PCDHA2: variants seen among roughly 807,000 people sequenced by gnomAD.
The protein encoded by PCDHA2 is protocadherin alpha-2.
A neutral mutation model predicts 66.0 loss-of-function variants in PCDHA2; 58 were observed. The observed-to-expected ratio is 0.88, with a 90% CI of 0.71 to 1.09. PCDHA2 has a LOEUF of 1.09. Ranked by LOEUF, PCDHA2 falls within the 50% of genes least tolerant of loss-of-function variation. The probability of loss-of-function intolerance (pLI) is 0.00; values close to 1 mark genes in which losing one functional copy is unlikely to be tolerated. For synonymous variants in PCDHA2, 634 were observed against 554.0 expected (o/e 1.14, Z -2.03); for missense variants, 1,267 against 1,242.3 (o/e 1.02, Z -0.30).
At chr5:140,935,673 A>T (rs1462991962) in intron 1 of PCDHA2, among the ~76,000 whole-genome samples, 1 of 152,180 alleles carries the variant, frequency 6.6e-6, no homozygotes, top group Non-Finnish European at 1.5e-5. Flanking sequence ...AATTATGTGA[A>T]ATATTTACAT....
chr5:140,799,640 AATTT>A (rs1222859750), intron 1 of PCDHA2, among the ~76,000 whole-genome samples: 2 of 152,206 alleles, frequency 1.3e-5, no homozygotes, highest in Admixed American at 6.5e-5. Context: ...TCAAAATATT[AATTT>A]ATTTATTCAT....
intron 1 of PCDHA2, among the ~76,000 whole-genome samples, chr5:140,970,978 A>G (rs2096449048): frequency 1.3e-5 from 2 of 152,188 alleles, no homozygotes; most frequent in African/African-American, 4.8e-5. Flanking sequence ...ATTAAGAAAA[A>G]TGGGGGAATA....
At chr5:140,925,955 G>T (rs1350124934) in intron 1 of PCDHA2, among the ~76,000 whole-genome samples, 1 of 152,076 alleles carries the variant, frequency 6.6e-6, no homozygotes. Context: ...AGGAGAAACT[G>T]CTATCACGCA....
intron 1 of PCDHA2, chr5:140,829,699 C>T (rs61730774): frequency 1.2e-6 from 2 of 1,613,252 alleles, no homozygotes; most frequent in Non-Finnish European, 1.7e-6. Flanking sequence ...TTCAGGTGAG[C>T]GCGCGCGACG....
intron 1 of PCDHA2, among the ~76,000 whole-genome samples, chr5:140,946,611 A>AATATATATATATATATATATAT (rs1554217734): frequency 0.012 from 1,017 of 86,324 alleles, 26 homozygotes; most frequent in Middle Eastern, 0.016. Flanking sequence ...GAAAATGTGA[A>AATATATATATATATATATATAT]ATATATATAT....
chr5:140,813,435 TA>T (rs1765294823), intron 1 of PCDHA2: 1 of 152,198 alleles, frequency 6.6e-6, no homozygotes, highest in South Asian at 2.1e-4. Flanking sequence ...CTGAATACTA[TA>T]GGGAATTGTA....
chr5:140,883,851 T>C, intron 1 of PCDHA2: 1 of 1,612,946 alleles, frequency 6.2e-7, no homozygotes, highest in African/African-American at 1.3e-5. Context: ...CACGAGGAGC[T>C]GGAGCTGTTG....
In PCDHA2 at chr5:140,795,040, G is replaced by C. The variant is rs369107883; in HGVS notation, c.76G>C (p.Val26Leu). Residue 26 changes from valine (V) to leucine (L), a missense_variant, in exon 1 of 4, where the codon GTG (valine) becomes CTG (leucine). Transcript: ENST00000526136. ...LSLLLLAAWE[V>L]GSGQLRYSVP... Reference sequence around the variant, plus strand: ...GCTTCTGCTCCTCGCAGCCTGGGAGGTGGGGAGCGGCCAGCTCCGCTACTC... The same window carrying C: ...GCTTCTGCTCCTCGCAGCCTGGGAGCTGGGGAGCGGCCAGCTCCGCTACTC... The C allele has an allele frequency of 1.4e-4, 221 of 1,613,876 alleles. No individual in the cohort carries two copies. The highest frequency in any genetic ancestry group is 5.7e-4 in the Admixed American group (34 of 60,030).
At chr5:140,843,273 T>A in intron 1 of PCDHA2, 1 of 1,595,994 alleles carries the variant, frequency 6.3e-7, no homozygotes, top group Non-Finnish European at 8.6e-7. Flanking sequence ...CTGGTCCTGG[T>A]GAAGGATCAT....
At position 140,795,575 on chromosome 5, in the gene PCDHA2, A is replaced by T. The variant is rs1338741055; in HGVS notation, c.611A>T (p.Glu204Val). Reference sequence around the variant, plus strand: ...CTGGGGAAATCGCTGGACAGAGAGGAAACTGCTGAGGTTAATTTGTTACTG... The same window carrying T: ...CTGGGGAAATCGCTGGACAGAGAGGTAACTGCTGAGGTTAATTTGTTACTG... Reference protein sequence around the residue: ...LVLGKSLDREETAEVNLLLVA... With the variant: ...LVLGKSLDREVTAEVNLLLVA... Residue 204 changes from glutamate (E) to valine (V), a missense_variant, in exon 1 of 4, where the codon GAA becomes GTA. Coordinates refer to ENST00000526136, the MANE Select transcript of PCDHA2 (RefSeq NM_018905.3). 3 of 1,614,162 alleles carry T rather than the reference A, an allele frequency of 1.9e-6. No individual in the cohort carries two copies. In the African/African-American group the frequency reaches 4.0e-5, roughly 22 times the overall value.
intron 1 of PCDHA2, among the ~76,000 whole-genome samples, chr5:140,897,765 C>T (rs1305140331): frequency 6.6e-6 from 1 of 152,216 alleles, no homozygotes; most frequent in Admixed American, 6.5e-5. Flanking sequence ...AATCGCCACA[C>T]TGACTTCCAC....
chr5:140,823,131 G>A (rs142929389), intron 1 of PCDHA2: 5 of 1,614,008 alleles, frequency 3.1e-6, no homozygotes, highest in Middle Eastern at 1.7e-4. Flanking sequence ...ACAACGCTCC[G>A]GCGTTCGCGC....
rs2150107729 is a variant in PCDHA2, at chr5:140,820,707, A to G, written c.2388+23355A>G. ...ATAAAATGATATTCTTTTCAACATG[A>G]TTATATTTACTGGAACCTAAACATT... On this transcript the variant is annotated intron_variant, in intron 1 of 3. Coordinates refer to ENST00000526136, the MANE Select transcript of PCDHA2 (RefSeq NM_018905.3). Among the ~76,000 whole-genome samples the G allele has an allele frequency of 7.0e-4, 106 of 152,222 alleles. 2 individuals carry two copies. Among genetic ancestry groups the G allele is most frequent in the Admixed American group, 6.3e-3 (96 of 15,296 alleles).
At chr5:140,933,253 A>G (rs958671776) in intron 1 of PCDHA2, among the ~76,000 whole-genome samples, 2 of 152,008 alleles carry the variant, frequency 1.3e-5, no homozygotes, top group Non-Finnish European at 2.9e-5. Context: ...TATAAACACA[A>G]AAGGTTATTA....
intron 3 of PCDHA2, among the ~76,000 whole-genome samples, chr5:140,997,525 A>G (rs1293979369): frequency 6.6e-6 from 1 of 152,242 alleles, no homozygotes; most frequent in African/African-American, 2.4e-5. Flanking sequence ...AAAAAGTACA[A>G]TAAAAATACA....
At chr5:140,910,679 A>G (rs1554194364) in intron 1 of PCDHA2, among the ~76,000 whole-genome samples, 1 of 152,208 alleles carries the variant, frequency 6.6e-6, no homozygotes, top group East Asian at 1.9e-4. Context: ...AAGGGAGATC[A>G]GGCATTTCCA....
intron 1 of PCDHA2, among the ~76,000 whole-genome samples, chr5:140,837,614 C>G (rs188278547): frequency 3.4e-5 from 5 of 147,660 alleles, no homozygotes; most frequent in African/African-American, 1.3e-4. Flanking sequence ...TTATAATTTG[C>G]CCCTTCCTTC....
At chr5:140,972,691 G>A (rs1213069719) in intron 1 of PCDHA2, among the ~76,000 whole-genome samples, 3 of 137,348 alleles carry the variant, frequency 2.2e-5, no homozygotes, top group Admixed American at 1.5e-4. Flanking sequence ...TTGAGATGGA[G>A]TCTCACTCTG....
intron 1 of PCDHA2, chr5:140,853,810 G>A (rs1402594450): frequency 7.1e-6 from 7 of 986,530 alleles, no homozygotes; most frequent in Non-Finnish European, 8.5e-6. Context: ...AAGCACACCT[G>A]AGATGATTCT....
Sources: gnomAD v4.1 joint callset for allele counts (sites outside exome capture counted in the v4.1 genomes callset) on GRCh38, gnomAD v4.1.1 for gene constraint, MANE v1.5 for transcripts, NCBI Gene and HGNC (gene_info 2026-07-23, HGNC 2026-07-21) for gene names.